Variants in PCDHA7 observed in about 807,000 individuals in gnomAD.
PCDHA7 encodes the protein protocadherin alpha-7.
In PCDHA7, 37 loss-of-function variants were observed where a neutral mutation model predicts 57.2. The ratio of observed to expected loss-of-function variants is 0.65; its 90% CI spans 0.50 to 0.85. The LOEUF (loss-of-function observed/expected upper bound fraction) is 0.85, where lower values mean the gene tolerates loss of function less well. Among genes scored for constraint, PCDHA7 ranks in the 40% least tolerant of loss-of-function variants. The pLI is 0.00. For missense variants in PCDHA7, 1,188 were observed against 1,241.8 expected, an observed-to-expected ratio of 0.96 and a Z score of 0.65; for synonymous variants, 553 against 558.8, an observed-to-expected ratio of 0.99 and a Z score of 0.15.
intron 1 of PCDHA7, among the ~76,000 whole-genome samples, chr5:140,940,306 T>C (rs2092590981): frequency 6.6e-6 from 1 of 152,200 alleles, no homozygotes; most frequent in Non-Finnish European, 1.5e-5. Context: ...TAATTTATTA[T>C]CTTTCTTCCA....
At chr5:140,882,543 G>T (rs1357197569) in intron 1 of PCDHA7, 4 of 1,614,236 alleles carry the variant, frequency 2.5e-6, no homozygotes, top group Non-Finnish European at 3.4e-6. Context: ...CGGATCGACC[G>T]CGAGGAGCTG....
In PCDHA7 at chr5:140,967,658, A is replaced by C. The variant is rs1554229743; in HGVS notation, c.2356-11291A>C. ...TGGTGAGCTCAGGTACTCCTTGAGC[A>C]GCTACACGTCGGACCGGGAGAGGCA... On this transcript the variant is annotated intron_variant, in intron 1 of 3. Coordinates refer to ENST00000525929, the MANE Select transcript of PCDHA7 (RefSeq NM_018910.3). 3 of 1,614,058 alleles carry C rather than the reference A, an allele frequency of 1.9e-6. No individual in the cohort carries two copies. The highest frequency in any genetic ancestry group is 1.7e-5 in the Admixed American group (1 of 60,008).
chr5:140,967,130 G>A (rs1554229204), intron 1 of PCDHA7: 1 of 1,612,184 alleles, frequency 6.2e-7, no homozygotes, highest in East Asian at 2.2e-5. Flanking sequence ...GCTCAGCTTG[G>A]AAGTGCTGGC....
chr5:140,929,646 A>G (rs868995130), intron 1 of PCDHA7: 1 of 365,824 alleles, frequency 2.7e-6, no homozygotes, highest in Non-Finnish European at 5.0e-6. Flanking sequence ...TGTGTAAGGC[A>G]CTCTAATATT....
intron 1 of PCDHA7, chr5:140,969,386 C>T (rs782109093): frequency 2.5e-6 from 4 of 1,596,966 alleles, no homozygotes; most frequent in South Asian, 1.1e-5. Flanking sequence ...TACACATCCC[C>T]CAATATCCTG....
rs782491268 is a variant in PCDHA7 at position 140,857,317 on chromosome 5, G to T, written c.2355+20579G>T. 1.5e-5 allele frequency: 24 copies of T among 1,598,644 alleles called. 2 individuals carry two copies. The highest frequency in any genetic ancestry group is 1.9e-5 in the Non-Finnish European group (22 of 1,168,052). ...AGAGGGTGTCGGCCTATGAGCTGGTGGTGACCGCGCGGGACGGGGGCTCGC... is the reference window on the plus strand; with the variant it reads ...AGAGGGTGTCGGCCTATGAGCTGGTTGTGACCGCGCGGGACGGGGGCTCGC... On this transcript the variant is annotated intron_variant, in intron 1 of 3. Transcript: ENST00000525929.
chr5:140,871,598 G>A (rs2053214620), intron 1 of PCDHA7: 1 of 1,452,006 alleles, frequency 6.9e-7, no homozygotes, highest in African/African-American at 1.4e-5. Flanking sequence ...TGAATAACCA[G>A]TGTTTTGAAT....
chr5:140,938,616 A>G (rs1366566018), intron 1 of PCDHA7, among the ~76,000 whole-genome samples: 1 of 152,130 alleles, frequency 6.6e-6, no homozygotes, highest in Non-Finnish European at 1.5e-5. Flanking sequence ...TCTTGGAATA[A>G]ACTCAGGTTG....
intron 3 of PCDHA7, among the ~76,000 whole-genome samples, chr5:140,992,192 C>T (rs2097497943): frequency 6.6e-6 from 1 of 152,124 alleles, no homozygotes; most frequent in Admixed American, 6.5e-5. Flanking sequence ...TTTCAGTGAT[C>T]TATCCAATCA....
Position 140,978,986 on chromosome 5 carries a change from C to A in PCDHA7, c.2393C>A (p.Ser798Tyr). The change falls in exon 2 of 4, where the codon TCC becomes TAC. Residue 798 changes from serine (S) to tyrosine (Y), a missense_variant. Ser to Tyr is a moderately radical substitution (Grantham distance 144). Coordinates refer to ENST00000525929, the MANE Select transcript of PCDHA7 (RefSeq NM_018910.3). ...AACCCTGACTGGCGTTACTCTGCCT[C>A]CCTGAGAGCAGGCATGCACAGGTAT... ...QPNPDWRYSA[S>Y]LRAGMHSSVH... is the part of the protein sequence containing the mutation. The A allele has an allele frequency of 6.2e-7, 1 of 1,614,190 alleles. No homozygotes were observed. The highest frequency in any genetic ancestry group is 1.7e-5 in the Admixed American group (1 of 60,026).
intron 1 of PCDHA7, among the ~76,000 whole-genome samples, chr5:140,947,316 G>A (rs1325852826): frequency 2.6e-5 from 4 of 151,352 alleles, no homozygotes; most frequent in East Asian, 1.9e-4. Context: ...GTAAAAAGTC[G>A]GTTGACCATA....
chr5:140,917,669 C>G (rs555314392), intron 1 of PCDHA7, among the ~76,000 whole-genome samples: 2 of 152,140 alleles, frequency 1.3e-5, no homozygotes, highest in Non-Finnish European at 2.9e-5. Context: ...AGTCCTTTCT[C>G]CATTGCTTGT....
intron 1 of PCDHA7, among the ~76,000 whole-genome samples, chr5:140,840,300 T>A (rs2150305530): frequency 6.6e-6 from 1 of 152,132 alleles, no homozygotes. Flanking sequence ...TGATTAGATA[T>A]TCTTTTAACT....
intron 1 of PCDHA7, among the ~76,000 whole-genome samples, chr5:140,910,949 C>T (rs1413845849): frequency 1.3e-5 from 2 of 152,112 alleles, no homozygotes; most frequent in African/African-American, 2.4e-5. Context: ...CAGTTCTTTT[C>T]GAGTGTAGCA....
At chr5:140,883,519 C>T (rs1554178517) in intron 1 of PCDHA7, 12 of 1,614,190 alleles carry the variant, frequency 7.4e-6, no homozygotes, top group Non-Finnish European at 1.0e-5. Flanking sequence ...ACCGCGAGAG[C>T]GTATCAGCCT....
intron 1 of PCDHA7, chr5:140,882,206 G>C: frequency 6.5e-7 from 1 of 1,531,252 alleles, no homozygotes; most frequent in Non-Finnish European, 8.8e-7. Context: ...TGGGCCTTGA[G>C]AGACAGTTTG....
intron 2 of PCDHA7, 90 bp downstream of exon 2, chr5:140,979,097 C>T (rs2096835129): frequency 9.0e-6 from 14 of 1,547,204 alleles, no homozygotes; most frequent in African/African-American, 1.4e-5. Context: ...AAGCAGCTGT[C>T]AAAACTAAAA....
At chr5:140,888,018 T>A (rs557919672) in intron 1 of PCDHA7, among the ~76,000 whole-genome samples, 1 of 152,360 alleles carries the variant, frequency 6.6e-6, no homozygotes, top group South Asian at 2.1e-4. Context: ...TTTATCTATA[T>A]GTTTGAGCAT....
chr5:140,965,796 A>AT (rs1377584212), intron 1 of PCDHA7, among the ~76,000 whole-genome samples: 2 of 152,134 alleles, frequency 1.3e-5, no homozygotes, highest in Non-Finnish European at 2.9e-5. Flanking sequence ...CATGGAGACT[A>AT]TTTTTTTAAA....
Sources: gnomAD v4.1 joint callset for allele counts (sites outside exome capture counted in the v4.1 genomes callset) on GRCh38, gnomAD v4.1.1 for gene constraint, MANE v1.5 for transcripts, NCBI Gene and HGNC (gene_info 2026-07-23, HGNC 2026-07-21) for gene names.